Variants in SPOCD1 observed in about 807,000 individuals in gnomAD.
SPOCD1 encodes the protein SPOC domain containing 1.
A neutral mutation model predicts 92.2 loss-of-function variants in SPOCD1; 64 were observed. That is an observed-to-expected ratio of 0.69 (90% CI 0.57 to 0.86). The LOEUF is 0.86. Ranked by LOEUF, SPOCD1 falls within the 40% of genes least tolerant of loss-of-function variation. SPOCD1 has a pLI of 0.00. For synonymous variants in SPOCD1, 578 were observed against 619.3 expected (o/e 0.93, Z 0.99); for missense variants, 1,360 against 1,543.1 (o/e 0.88, Z 1.99).
intron 15 of SPOCD1, 95 bp from the exon 16 acceptor site, chr1:31,791,386 G>A (rs1647583437): frequency 2.0e-6 from 2 of 1,020,120 alleles, no homozygotes; most frequent in East Asian, 6.0e-5. Flanking sequence ...CCCATGAGAT[G>A]CTGGGAAAAG....
At chr1:31,811,823 C>T (rs193224961) in intron 2 of SPOCD1, among the ~76,000 whole-genome samples, 1 of 152,350 alleles carries the variant, frequency 6.6e-6, no homozygotes, top group Non-Finnish European at 1.5e-5. Context: ...GGATGATGGG[C>T]TGTGCCGCAG....
intron 2 of SPOCD1, among the ~76,000 whole-genome samples, chr1:31,807,712 A>C (rs1478272563): frequency 6.6e-6 from 1 of 152,006 alleles, no homozygotes; most frequent in African/African-American, 2.4e-5. Context: ...AGGATGAACA[A>C]ACCAAAAATC....
chr1:31,791,476 T>C (rs968056945), intron 15 of SPOCD1, among the ~76,000 whole-genome samples, 185 bp from the exon 16 acceptor site: 8 of 152,086 alleles, frequency 5.3e-5, no homozygotes, highest in African/African-American at 1.7e-4. Flanking sequence ...GGGGTATGGA[T>C]TGTTTGACCT....
Position 31,803,779 on chromosome 1 carries a change from G to A in SPOCD1, c.1384-2074C>T, listed in dbSNP as rs1316158227. ...GGAAAGGAGAGGAGAAGAAAAGAAA[G>A]GAGAAGAAAGGAAAGGAAAGGGAAA... On this transcript the variant is annotated intron_variant, in intron 2 of 15. Transcript: ENST00000360482. Among the ~76,000 whole-genome samples, 3 of 146,834 alleles carry A rather than the reference G, an allele frequency of 2.0e-5. No individual in the cohort carries two copies. The Admixed American group carries it at 2.1e-4, about 10-fold the overall frequency.
Position 31,798,675 on chromosome 1 carries a change from G to A in SPOCD1, c.1869-74C>T. 2 of 1,528,330 alleles carry A rather than the reference G, an allele frequency of 1.3e-6. No homozygotes were observed. Among genetic ancestry groups the A allele is most frequent in the Admixed American group, 2.0e-5 (1 of 50,014 alleles). The allele number at this position is 1,528,330 out of a possible 1,614,324, so 94.7% of individuals were successfully genotyped here. ...AGGCACTTAGTCCCAGAGGGAGGCA[G>A]CTGGGTGGGCGGCAGGGTCTGGGCC... is the stretch of plus-strand genomic sequence containing the variant. On this transcript the variant is annotated intron_variant, in intron 7 of 15. Coordinates refer to ENST00000360482, the MANE Select transcript of SPOCD1 (RefSeq NM_144569.7). This position sits in a 1 kb window ranked among gnomAD's most constrained non-coding sequence, Gnocchi z 4.1.
rs1187263888 is a variant in SPOCD1 at position 31,793,837 on chromosome 1, T to C, written c.2444A>G (p.Asn815Ser). The stretch of plus-strand genomic sequence containing the variant: ...TTGGCTTAGGGCTTTCTGGAAGATA[T>C]TGTCCCCGCAGCTCTTGGCGGCTTC... The part of the protein sequence containing the change: ...SFEAAKSCGD[N>S]IFQKALSQTP... Residue 815 changes from asparagine to serine, a missense_variant, in exon 12 of 16, where the codon AAT becomes AGT. Around this residue, in one of 3 missense-constraint regions of SPOCD1, gnomAD observed 614 missense variants for 757.8 expected, o/e 0.81. Transcript: ENST00000360482. 2 of 1,614,180 alleles carry C rather than the reference T, an allele frequency of 1.2e-6. No individual in the cohort carries two copies. Among genetic ancestry groups the C allele is most frequent in the African/African-American group, 1.3e-5 (1 of 75,048 alleles).
At chr1:31,791,411 G>C (rs1366289997) in intron 15 of SPOCD1, 120 bp from the exon 16 acceptor site, 1 of 759,970 alleles carries the variant, frequency 1.3e-6, no homozygotes, top group African/African-American at 1.8e-5. Flanking sequence ...TAGGAAGGTG[G>C]GGCTGTCTCG....
intron 13 of SPOCD1, 70 bp from the exon 14 acceptor site, chr1:31,792,837 C>T: frequency 4.0e-6 from 5 of 1,248,472 alleles, no homozygotes; most frequent in Non-Finnish European, 5.7e-6. Context: ...CATTCCCAGC[C>T]ACCTGGAAGG....
chr1:31,794,030 C>T (rs1006694526), intron 11 of SPOCD1, 94 bp downstream of exon 11: 3 of 1,515,750 alleles, frequency 2.0e-6, no homozygotes, highest in Non-Finnish European at 2.7e-6. Context: ...CTCTGCCACC[C>T]TCTCCCCAGG....
At chr1:31,803,602 A>C (rs1040701674) in intron 2 of SPOCD1, among the ~76,000 whole-genome samples, 2 of 151,372 alleles carry the variant, frequency 1.3e-5, no homozygotes, top group African/African-American at 4.9e-5. Context: ...ATAGCCAGGC[A>C]TGGTGGTGTG....
At chr1:31,796,839 C>T (rs1648067070) in intron 9 of SPOCD1, 124 bp from the exon 10 acceptor site, 1 of 1,349,244 alleles carries the variant, frequency 7.4e-7, no homozygotes, top group Admixed American at 2.0e-5. Context: ...AAAACTTTTA[C>T]TTCCGCCATA....
At chr1:31,793,471 T>C in intron 12 of SPOCD1, 43 bp from the exon 13 acceptor site, 8 of 1,557,982 alleles carry the variant, frequency 5.1e-6, no homozygotes, top group Non-Finnish European at 7.0e-6. Flanking sequence ...GAGCAGGCCA[T>C]GAGGACTTCC....
rs763600145 is a variant in SPOCD1, at chr1:31,815,137, C to T, written c.197G>A (p.Arg66Gln). The T allele has an allele frequency of 5.0e-6, 8 of 1,608,154 alleles. No homozygotes were observed. The highest frequency in any genetic ancestry group is 1.7e-5 in the Admixed American group (1 of 59,910). ...RRKIPRKEAL[R>Q]GGSSRAAGAA... ...ACCTGCAGCCCGGGAGCTGCCACCT[C>T]GAAGGGCCTCCTTCCTGGGGATCTT... Residue 66 changes from arginine to glutamine, a missense_variant, in exon 2 of 16, where the codon CGA becomes CAA. Coordinates refer to ENST00000360482, the MANE Select transcript of SPOCD1 (RefSeq NM_144569.7).
chr1:31,795,529 CCTCT>C (rs1337121212), intron 10 of SPOCD1: 1 of 151,748 alleles, frequency 6.6e-6, no homozygotes, highest in South Asian at 2.1e-4. Context: ...CCTCCCACCT[CCTCT>C]CTCTCTTCCT....
Position 31,814,177 on chromosome 1 carries a change from G to A in SPOCD1, c.1157C>T (p.Thr386Ile). Reference protein sequence around the residue: ...LEQGLAAPADTCASSREPLGG... With the variant: ...LEQGLAAPADICASSREPLGG... Reference sequence around the variant, plus strand: ...CAAGGGCTCCCGGGAGCTGGCACAGGTGTCAGCGGGGGCAGCGAGTCCTTG... The same window carrying A: ...CAAGGGCTCCCGGGAGCTGGCACAGATGTCAGCGGGGGCAGCGAGTCCTTG... The change falls in exon 2 of 16, where the codon ACC (threonine) becomes ATC (isoleucine). Residue 386 changes from threonine to isoleucine, a missense_variant. Around this residue, in one of 3 missense-constraint regions of SPOCD1, gnomAD observed 606 missense variants for 601.5 expected, o/e 1.01. Transcript: ENST00000360482. The surrounding 1 kb of genome is among the most constrained non-coding windows in gnomAD (Gnocchi z 4.2). The A allele has an allele frequency of 3.8e-6, 6 of 1,576,430 alleles. No individual in the cohort carries two copies. The highest frequency in any genetic ancestry group is 5.2e-6 in the Non-Finnish European group (6 of 1,158,898).
chr1:31,812,147 A>G (rs1429172475), intron 2 of SPOCD1, among the ~76,000 whole-genome samples: 1 of 151,832 alleles, frequency 6.6e-6, no homozygotes, highest in Non-Finnish European at 1.5e-5. Context: ...CATCCTCACC[A>G]CCTCCCTAGG....
At chr1:31,809,499 C>T (rs781258740) in intron 2 of SPOCD1, among the ~76,000 whole-genome samples, 13 of 151,236 alleles carry the variant, frequency 8.6e-5, no homozygotes, top group Non-Finnish European at 1.6e-4. Context: ...CCATACAAAA[C>T]TATCACAGCA....
chr1:31,813,676 CCA>C (rs1221602316), intron 2 of SPOCD1, among the ~76,000 whole-genome samples: 9 of 152,230 alleles, frequency 5.9e-5, no homozygotes, highest in African/African-American at 2.2e-4. Flanking sequence ...AGAAAACATC[CCA>C]CAGTCATTCA....
At position 31,796,542 on chromosome 1, in the gene SPOCD1, C is replaced by T. The variant is rs373496844; in HGVS notation, c.2271+48G>A. The T allele has an allele frequency of 4.2e-5, 67 of 1,614,084 alleles. No individual in the cohort carries two copies. The Middle Eastern group carries it at 6.6e-4, about 16-fold the overall frequency. ...ACTGCTGGTGAGGCGAGGCGTGGGA[C>T]CCCCAGGCATGGGCTCTGCCCAGCA... On this transcript the variant is annotated intron_variant, in intron 10 of 15. Transcript: ENST00000360482.
Sources: allele counts gnomAD v4.1 joint callset (sites outside exome capture counted in the v4.1 genomes callset), GRCh38; gene constraint gnomAD v4.1.1; regional missense constraint gnomAD v4.1.1; non-coding constraint Gnocchi (gnomAD v3.1); transcripts MANE v1.5; gene names NCBI Gene and HGNC (gene_info 2026-07-23, HGNC 2026-07-21).